The following ATP2A2 variants were observed in gnomAD, a reference collection of about 807,000 sequenced individuals.
ATP2A2 encodes the protein sarcoplasmic/endoplasmic reticulum calcium ATPase 2.
In ATP2A2, 14 loss-of-function variants were observed where a neutral mutation model predicts 109.3. That is an observed-to-expected ratio of 0.13 (90% CI 0.08 to 0.20). The LOEUF (loss-of-function observed/expected upper bound fraction) is 0.20. ATP2A2 is among the 10% of genes least tolerant of loss of function. The pLI is 1.00. For synonymous variants in ATP2A2, 506 were observed against 490.9 expected (o/e 1.03, Z -0.41); for missense variants, 657 against 1,321.6 (o/e 0.50, Z 7.80).
At chr12:110,303,223 A>AATT (rs994144266) in intron 5 of ATP2A2, among the ~76,000 whole-genome samples, 1 of 152,138 alleles carries the variant, frequency 6.6e-6, no homozygotes, top group Non-Finnish European at 1.5e-5. Flanking sequence ...TGTTCAATAC[A>AATT]ATTATTATTA....
At position 110,347,610 on chromosome 12, in the gene ATP2A2, C is replaced by T. The variant is rs1213750191; in HGVS notation, c.*1140C>T. 3 of 1,221,304 alleles carry T rather than the reference C, an allele frequency of 2.5e-6. No individual in the cohort carries two copies. The highest frequency in any genetic ancestry group is 3.1e-6 in the Non-Finnish European group (3 of 954,102). The allele number at this position is 1,221,304 out of a possible 1,614,324, so 75.7% of individuals were successfully genotyped here. ...TGTTTTGTAAAATCTGTAAATAGCA[C>T]ATGACCAAATGAACATATTGTATAG... On this transcript the variant is annotated 3_prime_UTR_variant, in exon 20 of 20. Coordinates refer to ENST00000539276, the MANE Select transcript of ATP2A2 (RefSeq NM_170665.4).
chr12:110,329,073 C>T (rs886559200), intron 8 of ATP2A2, among the ~76,000 whole-genome samples: 1 of 152,226 alleles, frequency 6.6e-6, no homozygotes. Context: ...AGATACCAAA[C>T]TCTGCAGATG....
At chr12:110,313,978 G>A (rs924096273) in intron 5 of ATP2A2, among the ~76,000 whole-genome samples, 4 of 151,586 alleles carry the variant, frequency 2.6e-5, no homozygotes, top group Non-Finnish European at 4.4e-5. Context: ...GCCTCCCAAA[G>A]TGTTGGGATT....
chr12:110,299,873 C>T (rs532818039), intron 5 of ATP2A2, among the ~76,000 whole-genome samples: 1 of 152,230 alleles, frequency 6.6e-6, no homozygotes, highest in Non-Finnish European at 1.5e-5. Context: ...AGTCCTGCCT[C>T]AGCCTCCCAA....
intron 18 of ATP2A2, 70 bp from the exon 19 acceptor site, chr12:110,345,931 G>A (rs1879805648): frequency 2.7e-6 from 4 of 1,457,590 alleles, no homozygotes; most frequent in Non-Finnish European, 3.9e-6. Flanking sequence ...TAGTCCAACA[G>A]GGTCTTACTG....
chr12:110,296,431 A>G (rs1873968665), intron 4 of ATP2A2, 168 bp from the exon 5 acceptor site: 2 of 891,088 alleles, frequency 2.2e-6, no homozygotes, highest in Non-Finnish European at 1.8e-6. Flanking sequence ...ATACAAATTA[A>G]TAAATGTCCT....
chr12:110,349,722 G>A lies in ATP2A2; in HGVS notation c.*3252G>A. 9.9e-7 allele frequency: 1 copy of A among 1,010,600 alleles called. No homozygotes were observed. The highest frequency in any genetic ancestry group is 1.2e-6 in the Non-Finnish European group (1 of 843,802). The allele number at this position is 1,010,600 out of a possible 1,614,324, so 62.6% of individuals were successfully genotyped here. On this transcript the variant is annotated 3_prime_UTR_variant, in exon 20 of 20. Transcript: ENST00000539276. ...AGAGCATACCACGTCTGCAGTGCCT[G>A]TGAGCAGAGCCAGCAGTTGCCCTGT...
At chr12:110,322,891 C>CATTT (rs1877386291) in intron 5 of ATP2A2, 101 bp from the exon 6 acceptor site, 1 of 871,780 alleles carries the variant, frequency 1.1e-6, no homozygotes, top group Non-Finnish European at 1.9e-6. Context: ...ATATGCAGAT[C>CATTT]ATTTATTTTC....
Position 110,345,350 on chromosome 12 carries a change from A to C in ATP2A2, c.2709A>C (p.Leu903=), listed in dbSNP as rs1244978130. The change falls in exon 18 of 20, where the codon CTA becomes CTC. Residue 903 remains leucine, a synonymous_variant. Coordinates refer to ENST00000539276, the MANE Select transcript of ATP2A2 (RefSeq NM_170665.4). Reference sequence around the variant, plus strand: ...CGATGACAATGGCGCTCTCTGTTCTAGTAACTATAGAAATGTGTAACGCCC... The same window carrying C: ...CGATGACAATGGCGCTCTCTGTTCTCGTAACTATAGAAATGTGTAACGCCC... ...PYPMTMALSV[L]VTIEMCNALN... The C allele has an allele frequency of 5.0e-6, 8 of 1,614,074 alleles. No homozygotes were observed. Among genetic ancestry groups the C allele is most frequent in the Non-Finnish European group, 6.8e-6 (8 of 1,180,042 alleles).
intron 15 of ATP2A2, 126 bp from the exon 16 acceptor site, chr12:110,343,106 A>G (rs1879511059): frequency 3.0e-6 from 3 of 998,998 alleles, no homozygotes; most frequent in Non-Finnish European, 4.7e-6. Flanking sequence ...GGGTATAAGT[A>G]TTTTACAGAT....
intron 5 of ATP2A2, among the ~76,000 whole-genome samples, chr12:110,307,854 A>G (rs902682134): frequency 2.0e-5 from 3 of 152,212 alleles, no homozygotes; most frequent in African/African-American, 7.2e-5. Context: ...TCGTTTAACT[A>G]GGTCCCAATT....
At chr12:110,283,016 A>T (rs1214417600) in intron 3 of ATP2A2, among the ~76,000 whole-genome samples, 1 of 152,220 alleles carries the variant, frequency 6.6e-6, no homozygotes, top group African/African-American at 2.4e-5. Flanking sequence ...TGTGGTTAGG[A>T]GTTGTCCCAG....
rs1279984869 is a variant in ATP2A2 at position 110,333,083 on chromosome 12, T to C, written c.1185-98T>C. On this transcript the variant is annotated intron_variant, in intron 9 of 19. Coordinates refer to ENST00000539276, the MANE Select transcript of ATP2A2 (RefSeq NM_170665.4). ...TTTTCCAGTATGTTGTCCCAGAAAT[T>C]CTGTTTTCATTATTAAACAATTGCG... 10 of 1,075,928 alleles carry C rather than the reference T, an allele frequency of 9.3e-6. No homozygotes were observed. The Admixed American group carries it at 1.7e-4, about 18-fold the overall frequency. The allele number at this position is 1,075,928 out of a possible 1,614,324, so 66.6% of individuals were successfully genotyped here.
At chr12:110,317,019 A>G (rs1876737887) in intron 5 of ATP2A2, among the ~76,000 whole-genome samples, 1 of 152,188 alleles carries the variant, frequency 6.6e-6, no homozygotes, top group Non-Finnish European at 1.5e-5. Flanking sequence ...ACAGTAGTAT[A>G]ATGGGGTATT....
At chr12:110,334,317 A>C (rs1208712285) in intron 11 of ATP2A2, 174 bp downstream of exon 11, 1 of 863,784 alleles carries the variant, frequency 1.2e-6, no homozygotes, top group African/African-American at 1.7e-5. Flanking sequence ...TGTGTATTTG[A>C]CCAGGAAAAT....
intron 6 of ATP2A2, among the ~76,000 whole-genome samples, chr12:110,325,088 C>T (rs1055047696): frequency 4.3e-4 from 66 of 151,980 alleles, no homozygotes; most frequent in African/African-American, 1.6e-3. Flanking sequence ...GCTGGGATTA[C>T]AGACATAAGT....
At position 110,324,452 on chromosome 12, in the gene ATP2A2, C is replaced by T. The variant is rs145660692; in HGVS notation, c.544+1380C>T. Among the ~76,000 whole-genome samples, 513 of 151,880 alleles carry T rather than the reference C, an allele frequency of 3.4e-3. 4 individuals are homozygous for T. Among genetic ancestry groups the T allele is most frequent in the African/African-American group, 0.012 (494 of 41,416 alleles). On this transcript the variant is annotated intron_variant, in intron 6 of 19. Transcript: ENST00000539276. ...TTTTTTTTTTTTTGAGGCGGAGTCT[C>T]GCTCTGTTGCCCAGGCTATAGTGTA...
intron 5 of ATP2A2, among the ~76,000 whole-genome samples, chr12:110,315,971 C>A (rs764457510): frequency 6.6e-6 from 1 of 152,096 alleles, no homozygotes; most frequent in Non-Finnish European, 1.5e-5. Flanking sequence ...CCTGTAATCC[C>A]AGCTACTCGG....
At chr12:110,328,166 G>A (rs1877987911) in intron 8 of ATP2A2, 149 bp downstream of exon 8, 3 of 818,802 alleles carry the variant, frequency 3.7e-6, no homozygotes, top group Non-Finnish European at 5.8e-6. Flanking sequence ...ATATTTGAGA[G>A]GATCTAATCA....
Sources: gnomAD v4.1 joint callset for allele counts (sites outside exome capture counted in the v4.1 genomes callset) on GRCh38, gnomAD v4.1.1 for gene constraint, MANE v1.5 for transcripts, NCBI Gene and HGNC (gene_info 2026-07-23, HGNC 2026-07-21) for gene names.